ZDHHC9: variants seen among roughly 807,000 people sequenced by gnomAD.
ZDHHC9 encodes the protein zDHHC palmitoyltransferase 9.
A neutral mutation model predicts 26.6 loss-of-function variants in ZDHHC9; 3 were observed. That is an observed-to-expected ratio of 0.11 (90% CI 0.05 to 0.29). ZDHHC9 has a LOEUF of 0.29. Among genes scored for constraint, ZDHHC9 ranks in the 10% least tolerant of loss-of-function variants. ZDHHC9 has a pLI of 1.00. For missense variants in ZDHHC9, 146 were observed against 296.4 expected, an observed-to-expected ratio of 0.49 and a Z score of 3.73; for synonymous variants, 111 against 109.4, an observed-to-expected ratio of 1.01 and a Z score of -0.09.
Position 129,811,509 on chromosome X carries a change from T to C in ZDHHC9, c.778A>G (p.Ile260Val), listed in dbSNP as rs1927640133. 8.4e-7 allele frequency: 1 copy of C among 1,190,726 alleles called. No homozygotes were observed. Among genetic ancestry groups the C allele is most frequent in the Non-Finnish European group, 1.1e-6 (1 of 879,827 alleles). ...TTCTTCCCTGTCCATGATCCTTTGA[T>C]CTGCAAGATAAAAACCAAGGCTGAC... Reference protein sequence around the residue: ...VALNQTTNEDIKGSWTGKNRV... With the variant: ...VALNQTTNEDVKGSWTGKNRV... Residue 260 changes from isoleucine (I) to valine (V), a missense_variant and splice_region_variant, in exon 9 of 11, where the codon ATC (isoleucine) becomes GTC (valine). Physicochemically the swap from Ile to Val is conservative, Grantham distance 29 (BLOSUM62 3). This residue lies in a region of ZDHHC9 where 100 missense variants were observed against 250.0 expected (regional missense o/e 0.40). Coordinates refer to ENST00000357166, the MANE Select transcript of ZDHHC9 (RefSeq NM_016032.4).
At chrX:129,826,103 T>C (rs1928011744) in intron 4 of ZDHHC9, among the ~76,000 whole-genome samples, 1 of 112,438 alleles carries the variant, frequency 8.9e-6, no homozygotes. Flanking sequence ...ATCTGCCATA[T>C]GGAACATTTT....
chrX:129,822,416 A>G (rs1382718667), intron 5 of ZDHHC9, among the ~76,000 whole-genome samples: 4 of 102,851 alleles, frequency 3.9e-5, no homozygotes, highest in African/African-American at 1.4e-4. Flanking sequence ...GAACACATGG[A>G]CACAGGGAGG....
intron 3 of ZDHHC9, among the ~76,000 whole-genome samples, chrX:129,840,470 TG>T (rs1928355389): frequency 9.0e-6 from 1 of 111,544 alleles, no homozygotes; most frequent in African/African-American, 3.3e-5. Flanking sequence ...ACATGCTCAC[TG>T]GTACCACACA....
chrX:129,808,698 GA>G (rs1927571794), intron 10 of ZDHHC9, among the ~76,000 whole-genome samples: 1 of 111,338 alleles, frequency 9.0e-6, no homozygotes, highest in Non-Finnish European at 1.9e-5. Context: ...AACAACAAAA[GA>G]AAAAAATAGA....
chrX:129,820,454 G>A (rs1320283760), intron 5 of ZDHHC9, among the ~76,000 whole-genome samples: 1 of 109,152 alleles, frequency 9.2e-6, no homozygotes, highest in Non-Finnish European at 1.9e-5. Flanking sequence ...AGCCAGGCAT[G>A]GTAGTGCATG....
intron 3 of ZDHHC9, among the ~76,000 whole-genome samples, chrX:129,830,922 G>A (rs985347315): frequency 4.5e-5 from 5 of 111,443 alleles, no homozygotes; most frequent in African/African-American, 1.6e-4. Context: ...GATGATTTTC[G>A]TGACTTTTGT....
intron 2 of ZDHHC9, among the ~76,000 whole-genome samples, chrX:129,842,680 T>C (rs1010960592): frequency 8.8e-6 from 1 of 113,190 alleles, no homozygotes; most frequent in Non-Finnish European, 1.9e-5. Flanking sequence ...CTGGACGCTC[T>C]GTGCACATAC....
chrX:129,839,423 G>C (rs752113185), intron 3 of ZDHHC9, among the ~76,000 whole-genome samples: 8 of 110,328 alleles, frequency 7.3e-5, no homozygotes, highest in African/African-American at 2.6e-4. Flanking sequence ...ATGTTGGCCA[G>C]GCTGGTCTCG....
intron 4 of ZDHHC9, among the ~76,000 whole-genome samples, chrX:129,825,819 G>GA (rs2124120294): frequency 9.0e-6 from 1 of 111,644 alleles, no homozygotes; most frequent in African/African-American, 3.2e-5. Flanking sequence ...TAAAAGAAAA[G>GA]AAAAAATGAT....
At chrX:129,825,243 T>TG (rs1296006109) in intron 4 of ZDHHC9, among the ~76,000 whole-genome samples, 1 of 110,918 alleles carries the variant, frequency 9.0e-6, no homozygotes, top group Non-Finnish European at 1.9e-5. Flanking sequence ...GCAGCCTGGG[T>TG]GACAGAGCGA....
chrX:129,813,505 G>A (rs757812613), intron 7 of ZDHHC9, among the ~76,000 whole-genome samples, 172 bp downstream of exon 7: 25 of 111,974 alleles, frequency 2.2e-4, no homozygotes, highest in Non-Finnish European at 4.3e-4. Flanking sequence ...TTTTAGTCCC[G>A]GTCATCTTCC....
At chrX:129,838,740 C>T (rs1296838602) in intron 3 of ZDHHC9, among the ~76,000 whole-genome samples, 1 of 110,612 alleles carries the variant, frequency 9.0e-6, no homozygotes, top group Non-Finnish European at 1.9e-5. Flanking sequence ...CTAACTGGCC[C>T]CAGGATGGAC....
chrX:129,824,432 G>A (rs780182100), intron 4 of ZDHHC9, among the ~76,000 whole-genome samples: 6 of 111,048 alleles, frequency 5.4e-5, no homozygotes, highest in African/African-American at 2.0e-4. Flanking sequence ...TGGGATTACA[G>A]GGGCCCACCA....
Position 129,806,118 on chromosome X carries a change from C to T in ZDHHC9, c.*252G>A, listed in dbSNP as rs146010706. On this transcript the variant is annotated 3_prime_UTR_variant, in exon 11 of 11. Coordinates refer to ENST00000357166, the MANE Select transcript of ZDHHC9 (RefSeq NM_016032.4). ...ACCCTGTGGCTGAGGCCATGGAGAA[C>T]CAGTGCCAGGGCCCAAGAGACCCAT... 895 of 381,040 alleles carry T rather than the reference C, an allele frequency of 2.3e-3. 10 individuals carry two copies. Among genetic ancestry groups the T allele is most frequent in the African/African-American group, 0.021 (807 of 39,062 alleles). 31.4% of individuals were successfully genotyped at this position (381,040 alleles called of 1,213,427 possible).
At chrX:129,806,611 C>CACCAACACCAAACTCAGA in intron 10 of ZDHHC9, 125 bp from the exon 11 acceptor site, 2 of 546,347 alleles carry the variant, frequency 3.7e-6, no homozygotes, top group South Asian at 2.8e-5. Flanking sequence ...GATATGCAGC[C>CACCAACACCAAACTCAGA]ACCAACACCA....
intron 5 of ZDHHC9, among the ~76,000 whole-genome samples, chrX:129,817,529 G>A (rs1484600722): frequency 9.0e-6 from 1 of 111,284 alleles, no homozygotes; most frequent in African/African-American, 3.3e-5. Flanking sequence ...GCAATTCAGT[G>A]GCATTAATTA....
At chrX:129,813,597 G>C in intron 7 of ZDHHC9, 80 bp downstream of exon 7, 1 of 1,003,381 alleles carries the variant, frequency 1.0e-6, no homozygotes, top group Non-Finnish European at 1.4e-6. Flanking sequence ...AAACTAGATA[G>C]TGGGAGAACT....
chrX:129,836,476 G>C (rs1302825322), intron 3 of ZDHHC9, among the ~76,000 whole-genome samples: 2 of 111,200 alleles, frequency 1.8e-5, no homozygotes, highest in Non-Finnish European at 3.8e-5. Context: ...GTAGAGACAG[G>C]GTTTCACCAT....
At chrX:129,819,070 G>C (rs930649055) in intron 5 of ZDHHC9, among the ~76,000 whole-genome samples, 3 of 106,357 alleles carry the variant, frequency 2.8e-5, no homozygotes, top group Non-Finnish European at 5.8e-5. Context: ...CTACTCGGGA[G>C]GCTGAGGCAG....
Sources: allele counts gnomAD v4.1 joint callset (sites outside exome capture counted in the v4.1 genomes callset), GRCh38; gene constraint gnomAD v4.1.1; regional missense constraint gnomAD v4.1.1; transcripts MANE v1.5; gene names NCBI Gene and HGNC (gene_info 2026-07-23, HGNC 2026-07-21).